UGT1A10: variants seen among roughly 807,000 people sequenced by gnomAD.
The protein encoded by UGT1A10 is UDP-glucuronosyltransferase 1A10.
A neutral mutation model predicts 45.8 loss-of-function variants in UGT1A10; 49 were observed. That is an observed-to-expected ratio of 1.07 (90% CI 0.85 to 1.36). The LOEUF is 1.36. UGT1A10 is among the 40% of genes most tolerant of loss of function. UGT1A10 has a pLI of 0.00. For synonymous variants in UGT1A10, 284 were observed against 249.7 expected (o/e 1.14, Z -1.29); for missense variants, 745 against 668.6 (o/e 1.11, Z -1.26).
chr2:233,772,386 G>A lies in UGT1A10; in HGVS notation c.1420G>A (p.Ala474Thr), dbSNP rs765612353. 2.0e-5 allele frequency: 33 copies of A among 1,614,110 alleles called. No homozygotes were observed. Among genetic ancestry groups the A allele is most frequent in the Middle Eastern group, 1.6e-4 (1 of 6,084 alleles). ...CAAGGGCGCGCCACACCTGCGCCCC[G>A]CAGCCCACGACCTCACCTGGTACCA... The part of the protein sequence containing the change: ...RHKGAPHLRP[A>T]AHDLTWYQYH... Residue 474 changes from alanine to threonine, a missense_variant, in exon 5 of 5, where the codon GCA becomes ACA. Coordinates refer to ENST00000344644, the MANE Select transcript of UGT1A10 (RefSeq NM_019075.4).
chr2:233,661,640 T>TTTCTTTCC (rs2073969193), intron 1 of UGT1A10, among the ~76,000 whole-genome samples: 3 of 138,510 alleles, frequency 2.2e-5, no homozygotes, highest in African/African-American at 7.7e-5. Context: ...TCTTTCTTTC[T>TTTCTTTCC]TTCTTTCTTT....
chr2:233,672,552 A>G (rs2074230567), intron 1 of UGT1A10: 1 of 1,613,814 alleles, frequency 6.2e-7, no homozygotes, highest in African/African-American at 1.3e-5. Context: ...TCAAGGAGAG[A>G]GTACGGAACC....
intron 1 of UGT1A10, among the ~76,000 whole-genome samples, chr2:233,724,363 C>T (rs1212893783): frequency 1.6e-4 from 22 of 136,704 alleles, no homozygotes; most frequent in African/African-American, 2.2e-4. Flanking sequence ...CCCTCCCGGA[C>T]GGGGTGGCTG....
At chr2:233,690,083 A>T (rs1370137162) in intron 1 of UGT1A10, among the ~76,000 whole-genome samples, 1 of 152,176 alleles carries the variant, frequency 6.6e-6, no homozygotes, top group Non-Finnish European at 1.5e-5. Flanking sequence ...TATCAAATAG[A>T]TTAAATTGCT....
intron 3 of UGT1A10, 57 bp from the exon 4 acceptor site, chr2:233,768,163 T>A: frequency 6.2e-7 from 1 of 1,613,480 alleles, no homozygotes; most frequent in Non-Finnish European, 8.5e-7. Flanking sequence ...CCTAGATGTG[T>A]CCAGCTGTGA....
At chr2:233,640,332 T>C (rs1290727345) in intron 1 of UGT1A10, among the ~76,000 whole-genome samples, 1 of 152,208 alleles carries the variant, frequency 6.6e-6, no homozygotes, top group Non-Finnish European at 1.5e-5. Flanking sequence ...AAGAAACTTT[T>C]TGGCTGTCAT....
rs1192497893 is a variant in UGT1A10, at chr2:233,682,753, T to TGGTGG, written c.855+45377_855+45381dup. 13 of 1,613,798 alleles carry TGGTGG rather than the reference T, an allele frequency of 8.1e-6. No homozygotes were observed. The highest frequency in any genetic ancestry group is 1.1e-5 in the Non-Finnish European group (13 of 1,179,822). On this transcript the variant is annotated intron_variant, in intron 1 of 4. Transcript: ENST00000344644. ...CCGTGATGCCCAATATGATCTTCATTGGTGGTATCAACTGTCATCAGGGAA... is the reference window on the plus strand; with the variant it reads ...CCGTGATGCCCAATATGATCTTCATTGGTGGGGTGGTATCAACTGTCATCAGGGAA...
intron 1 of UGT1A10, among the ~76,000 whole-genome samples, chr2:233,670,123 G>T (rs1040364339): frequency 1.1e-4 from 17 of 152,168 alleles, no homozygotes; most frequent in African/African-American, 4.1e-4. Flanking sequence ...TCATAATGAA[G>T]TCAGCTAGAG....
Position 233,707,728 on chromosome 2 carries a change from AC to A in UGT1A10, c.856-59305del, listed in dbSNP as rs1181279072. ...TTTCACTACTGTGAACAATGTTACA[AC>A]GAACATTCTTTTACATTCTGAAACA... is the stretch of plus-strand genomic sequence containing the variant. On this transcript the variant is annotated intron_variant, in intron 1 of 4. Transcript: ENST00000344644. 6.6e-5 allele frequency among the ~76,000 whole-genome samples: 10 copies of A among 152,254 alleles called. No individual in the cohort carries two copies. In the East Asian group the frequency reaches 9.6e-4, roughly 15 times the overall value.
chr2:233,695,332 G>A (rs1375562980), intron 1 of UGT1A10, among the ~76,000 whole-genome samples: 1 of 151,752 alleles, frequency 6.6e-6, no homozygotes, highest in African/African-American at 2.4e-5. Flanking sequence ...CACCACGTTG[G>A]CCAGGATGGT....
chr2:233,637,566 A>T (rs1266573441), intron 1 of UGT1A10, among the ~76,000 whole-genome samples, 189 bp downstream of exon 1: 1 of 152,214 alleles, frequency 6.6e-6, no homozygotes, highest in African/African-American at 2.4e-5. Context: ...CCTTCTTGAA[A>T]GTATATGTAA....
chr2:233,693,292 C>T, intron 1 of UGT1A10: 1 of 1,614,114 alleles, frequency 6.2e-7, no homozygotes, highest in Non-Finnish European at 8.5e-7. Flanking sequence ...CATTTGGAAA[C>T]AATCACTTTG....
In UGT1A10 at chr2:233,768,019, T is replaced by C. The variant is rs1002687520; in HGVS notation, c.1075+83T>C. The C allele has an allele frequency of 6.2e-6, 10 of 1,613,626 alleles. No individual in the cohort carries two copies. In the African/African-American group the frequency reaches 1.2e-4, roughly 19 times the overall value. On this transcript the variant is annotated intron_variant, in intron 3 of 4. Coordinates refer to ENST00000344644, the MANE Select transcript of UGT1A10 (RefSeq NM_019075.4). ...TAAGCACAGCTATTCTAAAGGATTG[T>C]TGAGCTTGAAAATATTATGGCCAAC...
Position 233,687,966 on chromosome 2 carries a change from C to G in UGT1A10, c.855+50589C>G, listed in dbSNP as rs78170888. Among the ~76,000 whole-genome samples, 183 of 152,286 alleles carry G rather than the reference C, an allele frequency of 1.2e-3. 6 individuals carry two copies. In the East Asian group the frequency reaches 0.027, roughly 22 times the overall value. On this transcript the variant is annotated intron_variant, in intron 1 of 4. Coordinates refer to ENST00000344644, the MANE Select transcript of UGT1A10 (RefSeq NM_019075.4). ...AAAATTTAAAAATTGATATGTAATTCATGTATCGTAAAATTCAGTGGTTTT... is the reference window on the plus strand; with the variant it reads ...AAAATTTAAAAATTGATATGTAATTGATGTATCGTAAAATTCAGTGGTTTT...
At chr2:233,754,901 C>G (rs996500791) in intron 1 of UGT1A10, 1 of 1,352,458 alleles carries the variant, frequency 7.4e-7, no homozygotes, top group South Asian at 1.1e-5. Flanking sequence ...TCTGACCCCC[C>G]AAAATATTCT....
At chr2:233,682,075 G>A (rs1454288387) in intron 1 of UGT1A10, 3 of 1,614,128 alleles carry the variant, frequency 1.9e-6, no homozygotes, top group East Asian at 4.5e-5. Context: ...CGGTGGTGGA[G>A]AAACTCATCC....
At chr2:233,664,180 C>T (rs541437038) in intron 1 of UGT1A10, among the ~76,000 whole-genome samples, 4 of 152,144 alleles carry the variant, frequency 2.6e-5, no homozygotes, top group Non-Finnish European at 5.9e-5. Flanking sequence ...CCTCATTAGC[C>T]TGGCCCTCAC....
chr2:233,685,673 C>T (rs1460224775), intron 1 of UGT1A10, among the ~76,000 whole-genome samples: 1 of 152,178 alleles, frequency 6.6e-6, no homozygotes, highest in Admixed American at 6.5e-5. Flanking sequence ...ATAATGTGTA[C>T]CCATATAGCC....
chr2:233,670,260 G>A (rs1306555366), intron 1 of UGT1A10, among the ~76,000 whole-genome samples: 1 of 152,226 alleles, frequency 6.6e-6, no homozygotes, highest in African/African-American at 2.4e-5. Context: ...GGAGGAAGAG[G>A]TGGGTTGGTT....
Sources: allele counts gnomAD v4.1 joint callset (sites outside exome capture counted in the v4.1 genomes callset), GRCh38; gene constraint gnomAD v4.1.1; transcripts MANE v1.5; gene names NCBI Gene and HGNC (gene_info 2026-07-23, HGNC 2026-07-21).